The following MTHFD2L variants were observed in gnomAD, a reference collection of about 807,000 sequenced individuals.
The protein encoded by MTHFD2L is bifunctional methylenetetrahydrofolate dehydrogenase/cyclohydrolase 2, mitochondrial.
MTHFD2L carries 29 observed loss-of-function variants against 34.9 expected under a neutral mutation model. The ratio of observed to expected loss-of-function variants is 0.83; its 90% CI spans 0.62 to 1.13. The LOEUF is 1.13. Among genes scored for constraint, MTHFD2L ranks in the 50% most tolerant of loss-of-function variants. The pLI is 0.00. For synonymous variants in MTHFD2L, 167 were observed against 155.7 expected, an observed-to-expected ratio of 1.07 and a Z score of -0.54; for missense variants, 481 against 446.5, an observed-to-expected ratio of 1.08 and a Z score of -0.70.
chr4:74,261,068 A>G (rs1395220712), intron 6 of MTHFD2L, among the ~76,000 whole-genome samples: 2 of 151,978 alleles, frequency 1.3e-5, no homozygotes, highest in East Asian at 1.9e-4. Flanking sequence ...TCCCATTTAT[A>G]TAAAGGTGGG....
In MTHFD2L at chr4:74,245,298, T is replaced by A. The variant is rs551153118; in HGVS notation, c.805+19904T>A. ...GATAGTGCCTTTTATTCTTATTTTT[T>A]AAAAATTTTGGAATATATAGTTAGT... On this transcript the variant is annotated intron_variant, in intron 6 of 7. Transcript: ENST00000325278. Among the ~76,000 whole-genome samples, 52 of 151,796 alleles carry A rather than the reference T, an allele frequency of 3.4e-4. No homozygotes were observed. The East Asian group carries it at 9.5e-3, about 28-fold the overall frequency.
chr4:74,130,768 A>G (rs1340752084), intron 1 of MTHFD2L, among the ~76,000 whole-genome samples: 1 of 152,216 alleles, frequency 6.6e-6, no homozygotes, highest in Non-Finnish European at 1.5e-5. Context: ...AATAAAGGGT[A>G]TTCAAATAGG....
At chr4:74,239,185 AG>A (rs935796060) in intron 6 of MTHFD2L, among the ~76,000 whole-genome samples, 11 of 152,130 alleles carry the variant, frequency 7.2e-5, no homozygotes, top group African/African-American at 2.7e-4. Context: ...GTCCTTTGCA[AG>A]GACATGGATG....
At chr4:74,157,364 C>T, upstream of MTHFD2L, 1 of 282,904 alleles carries the variant, frequency 3.5e-6, no homozygotes, top group Non-Finnish European at 7.0e-6. Context: ...CTGGTTTTAT[C>T]TGTGACTGTT....
rs751912327 is a variant in MTHFD2L at position 74,138,096 on chromosome 4, AAAAT to A, written c.-297+12590_-297+12593del. ...ACACATACACTTTTTTATTTTAAGA[AAAAT>A]AAATAAATAAGTAAATTCGGCCTTA... On this transcript the variant is annotated intron_variant, in intron 1 of 7. Coordinates refer to the MTHFD2L transcript ENST00000433372. Among the ~76,000 whole-genome samples, 5 of 152,082 alleles carry A rather than the reference AAAAT, an allele frequency of 3.3e-5. No homozygotes were observed. In the South Asian group the frequency reaches 6.2e-4, roughly 19 times the overall value.
Position 74,258,019 on chromosome 4 carries a change from A to T in MTHFD2L, c.806-23406A>T, listed in dbSNP as rs955913400. 2.6e-5 allele frequency among the ~76,000 whole-genome samples: 4 copies of T among 152,120 alleles called. No individual in the cohort carries two copies. The East Asian group carries it at 7.7e-4, about 29-fold the overall frequency. The stretch of plus-strand genomic sequence containing the variant: ...TCAGTAATCAAGGAAATGCAGATCA[A>T]AACTGTAATGAGATATTACCTCACA... On this transcript the variant is annotated intron_variant, in intron 6 of 7. Coordinates refer to ENST00000325278, the MANE Select transcript of MTHFD2L (RefSeq NM_001144978.3).
At chr4:74,224,706 T>G (rs1459418040) in intron 5 of MTHFD2L, among the ~76,000 whole-genome samples, 1 of 152,146 alleles carries the variant, frequency 6.6e-6, no homozygotes, top group African/African-American at 2.4e-5. Flanking sequence ...ACAAAAAAAT[T>G]TTGCTATTTT....
In MTHFD2L at chr4:74,174,510, G is replaced by A; in HGVS notation, c.148G>A (p.Glu50Lys). Residue 50 changes from glutamate (E) to lysine (K), a missense_variant, in exon 2 of 8, where the codon GAA becomes AAA. By Grantham distance (56) the Glu-to-Lys change is moderately conservative (BLOSUM62 1). Coordinates refer to ENST00000325278, the MANE Select transcript of MTHFD2L (RefSeq NM_001144978.3). ...RGFRSSGVRH[E>K]AIIISGTEMA... Reference sequence around the variant, plus strand: ...TTATTGTTTTGCTTTCCACAGACATGAAGCCATTATTATATCAGGAACCGA... The same window carrying A: ...TTATTGTTTTGCTTTCCACAGACATAAAGCCATTATTATATCAGGAACCGA... 1 of 1,531,744 alleles carries A rather than the reference G, an allele frequency of 6.5e-7. No individual in the cohort carries two copies. Among genetic ancestry groups the A allele is most frequent in the Non-Finnish European group, 8.8e-7 (1 of 1,140,964 alleles). The allele number at this position is 1,531,744 out of a possible 1,614,324, so 94.9% of individuals were successfully genotyped here.
chr4:74,285,780 G>A (rs1268401274), intron 7 of MTHFD2L, among the ~76,000 whole-genome samples: 2 of 152,064 alleles, frequency 1.3e-5, no homozygotes, highest in African/African-American at 4.8e-5. Context: ...TGAAAACTGA[G>A]CACTGCTTGT....
intron 7 of MTHFD2L, among the ~76,000 whole-genome samples, chr4:74,298,114 T>C (rs1749845509): frequency 6.6e-6 from 1 of 152,064 alleles, no homozygotes; most frequent in Non-Finnish European, 1.5e-5. Flanking sequence ...AATCACTCTG[T>C]CTCTCATGAC....
chr4:74,157,703 A>T, upstream of MTHFD2L: 1 of 458,764 alleles, frequency 2.2e-6, no homozygotes, highest in Non-Finnish European at 4.4e-6. Flanking sequence ...TGAACCTATT[A>T]CTTCTTTCCT....
At chr4:74,187,119 A>C (rs542784634) in intron 3 of MTHFD2L, among the ~76,000 whole-genome samples, 1 of 152,334 alleles carries the variant, frequency 6.6e-6, no homozygotes, top group African/African-American at 2.4e-5. Flanking sequence ...ATGCAAAAGA[A>C]TATCTAGAAA....
chr4:74,236,051 C>T (rs1012221879), intron 6 of MTHFD2L, among the ~76,000 whole-genome samples: 2 of 152,104 alleles, frequency 1.3e-5, no homozygotes, highest in African/African-American at 4.8e-5. Context: ...AATAAATGTT[C>T]CCAGCAGGCA....
At chr4:74,213,339 T>A (rs1467717174) in intron 5 of MTHFD2L, among the ~76,000 whole-genome samples, 1 of 152,166 alleles carries the variant, frequency 6.6e-6, no homozygotes, top group Non-Finnish European at 1.5e-5. Context: ...GTGATATCAG[T>A]TTTTACTTTC....
At chr4:74,288,509 C>T (rs1297071591) in intron 7 of MTHFD2L, 3 of 152,176 alleles carry the variant, frequency 2.0e-5, no homozygotes, top group African/African-American at 7.2e-5. Context: ...GAAGACTAAT[C>T]TCTTACTTAG....
At chr4:74,262,055 A>ATGTAT (rs1553919679) in intron 6 of MTHFD2L, among the ~76,000 whole-genome samples, 1 of 151,484 alleles carries the variant, frequency 6.6e-6, no homozygotes, top group Non-Finnish European at 1.5e-5. Context: ...GAAAAGACAA[A>ATGTAT]TAATGGGGAA....
chr4:74,219,037 G>A (rs902915200), intron 5 of MTHFD2L, among the ~76,000 whole-genome samples: 15 of 151,978 alleles, frequency 9.9e-5, no homozygotes, highest in African/African-American at 3.6e-4. Context: ...ATTGTATTAG[G>A]TATTACTTAT....
At chr4:74,279,201 T>A (rs1747103320) in intron 6 of MTHFD2L, among the ~76,000 whole-genome samples, 1 of 152,042 alleles carries the variant, frequency 6.6e-6, no homozygotes, top group South Asian at 2.1e-4. Flanking sequence ...TGGCTCCTAA[T>A]TTTCAAATGA....
intron 3 of MTHFD2L, chr4:74,195,153 G>A (rs777568152): frequency 6.6e-6 from 1 of 152,222 alleles, no homozygotes; most frequent in Non-Finnish European, 1.5e-5. Flanking sequence ...AAGGGGACCA[G>A]CTTGATGCTC....
Sources: allele counts gnomAD v4.1 joint callset (sites outside exome capture counted in the v4.1 genomes callset), GRCh38; gene constraint gnomAD v4.1.1; transcripts MANE v1.5; gene names NCBI Gene and HGNC (gene_info 2026-07-23, HGNC 2026-07-21).